The following SPMIP2 variants were observed in gnomAD, a reference collection of about 807,000 sequenced individuals.
The protein encoded by SPMIP2 is protein SPMIP2.
At chr4:158,895,371 A>G in the SPMIP2 span, among the ~76,000 whole-genome samples, 1 of 152,220 alleles carries the variant, frequency 6.6e-6, no homozygotes, top group Non-Finnish European at 1.5e-5. Context: ...TTACGTGTAA[A>G]TTCACATTCT....
the SPMIP2 span, among the ~76,000 whole-genome samples, chr4:159,073,484 C>T: frequency 6.6e-6 from 1 of 152,098 alleles, no homozygotes; most frequent in African/African-American, 2.4e-5. Context: ...ATTATTCTAC[C>T]TACTCTTCAT....
the SPMIP2 span, among the ~76,000 whole-genome samples, chr4:158,953,603 A>G: frequency 1.3e-5 from 2 of 152,144 alleles, no homozygotes; most frequent in African/African-American, 4.8e-5. Context: ...TGTCCTCCAG[A>G]CCCCAGAATG....
chr4:158,939,107 G>A, the SPMIP2 span, among the ~76,000 whole-genome samples: 1 of 152,182 alleles, frequency 6.6e-6, no homozygotes, highest in African/African-American at 2.4e-5. Context: ...GGCAACACAG[G>A]GAAGGAAGGA....
At chr4:159,007,666 T>TA in the SPMIP2 span, 7,447 of 739,438 alleles carry the variant, frequency 0.01, 334 homozygotes, top group African/African-American at 0.11. Context: ...GAGACTCATG[T>TA]AATGGACTAC....
At chr4:159,000,569 A>G in the SPMIP2 span, among the ~76,000 whole-genome samples, 2 of 144,912 alleles carry the variant, frequency 1.4e-5, no homozygotes, top group Non-Finnish European at 3.0e-5. Flanking sequence ...ATCTCCGCTC[A>G]CTGCAACCTC....
At chr4:159,032,252 T>C in the SPMIP2 span, among the ~76,000 whole-genome samples, 3 of 152,146 alleles carry the variant, frequency 2.0e-5, no homozygotes, top group African/African-American at 4.8e-5. Context: ...TAAATACGTA[T>C]ACATTGTTCA....
the SPMIP2 span, chr4:158,972,990 G>A: frequency 1.2e-6 from 1 of 853,650 alleles, no homozygotes; most frequent in East Asian, 2.7e-5. Context: ...GAGAAATCAA[G>A]CACCCGACAT....
At chr4:158,959,138 G>A in the SPMIP2 span, among the ~76,000 whole-genome samples, 1 of 152,102 alleles carries the variant, frequency 6.6e-6, no homozygotes, top group Non-Finnish European at 1.5e-5. Flanking sequence ...CATGCCCAGG[G>A]CTTCAGTGTT....
chr4:159,065,775 A>G, the SPMIP2 span, among the ~76,000 whole-genome samples: 9 of 152,206 alleles, frequency 5.9e-5, no homozygotes, highest in Non-Finnish European at 1.3e-4. Flanking sequence ...TCATCTGGAG[A>G]GTGGGTAACA....
At chr4:158,983,418 C>T in the SPMIP2 span, among the ~76,000 whole-genome samples, 37 of 151,646 alleles carry the variant, frequency 2.4e-4, no homozygotes, top group African/African-American at 7.7e-4. Context: ...AGAGAAAGGT[C>T]GGGTTACCCA....
At chr4:159,082,734 T>G in the SPMIP2 span, among the ~76,000 whole-genome samples, 3 of 152,204 alleles carry the variant, frequency 2.0e-5, no homozygotes, top group African/African-American at 7.2e-5. Flanking sequence ...GGTTATATAT[T>G]GGCAGGTAAA....
chr4:158,986,445 C>A, the SPMIP2 span, among the ~76,000 whole-genome samples: 3 of 152,156 alleles, frequency 2.0e-5, no homozygotes, highest in Non-Finnish European at 4.4e-5. Flanking sequence ...AGATATAGAT[C>A]AATGGAACAG....
chr4:159,035,078 G>T, the SPMIP2 span: 8 of 1,613,178 alleles, frequency 5.0e-6, no homozygotes, highest in Non-Finnish European at 6.8e-6. Flanking sequence ...GTTGGCTTTT[G>T]GTATGATACA....
At chr4:158,968,986 T>C in the SPMIP2 span, among the ~76,000 whole-genome samples, 1 of 152,184 alleles carries the variant, frequency 6.6e-6, no homozygotes, top group Non-Finnish European at 1.5e-5. Context: ...CATATAAATA[T>C]GTTGATGAGT....
At chr4:158,947,774 T>C in the SPMIP2 span, among the ~76,000 whole-genome samples, 1 of 152,136 alleles carries the variant, frequency 6.6e-6, no homozygotes, top group Non-Finnish European at 1.5e-5. Flanking sequence ...GATTAAAATG[T>C]GTAATATCTA....
At chr4:158,983,945 G>A in the SPMIP2 span, among the ~76,000 whole-genome samples, 234 of 118,332 alleles carry the variant, frequency 2.0e-3, no homozygotes, top group African/African-American at 7.3e-3. Context: ...AAAGGATGGA[G>A]GAAGATCTAC....
chr4:158,990,437 T>C, the SPMIP2 span, among the ~76,000 whole-genome samples: 5 of 152,208 alleles, frequency 3.3e-5, no homozygotes, highest in African/African-American at 1.2e-4. Context: ...CGTATGGTTA[T>C]TGCAGCACTG....
At chr4:159,019,565 G>A in the SPMIP2 span, among the ~76,000 whole-genome samples, 1 of 152,144 alleles carries the variant, frequency 6.6e-6, no homozygotes, top group African/African-American at 2.4e-5. Flanking sequence ...ACGTGGAAGT[G>A]GATGTCATGG....
At chr4:158,987,670 C>G in the SPMIP2 span, among the ~76,000 whole-genome samples, 1 of 151,992 alleles carries the variant, frequency 6.6e-6, no homozygotes, top group African/African-American at 2.4e-5. Context: ...AGGAGCTATA[C>G]CTAATGCTAA....
Sources: allele counts gnomAD v4.1 joint callset (sites outside exome capture counted in the v4.1 genomes callset), GRCh38; gene constraint gnomAD v4.1.1; transcripts MANE v1.5; gene names NCBI Gene and HGNC (gene_info 2026-07-23, HGNC 2026-07-21).